PDGFC: variants seen among roughly 807,000 people sequenced by gnomAD.
PDGFC encodes the protein platelet-derived growth factor C.
Under a neutral mutation model 35.5 loss-of-function variants are expected in PDGFC, and 12 were observed. That is an observed-to-expected ratio of 0.34 (90% CI 0.22 to 0.55). PDGFC has a LOEUF of 0.55. Among genes scored for constraint, PDGFC ranks in the 20% least tolerant of loss-of-function variants. The pLI, the probability that PDGFC is intolerant of heterozygous loss-of-function variation, is 0.91. For missense variants in PDGFC, 322 were observed against 412.4 expected (o/e 0.78, Z 1.90); for synonymous variants, 159 against 148.8 (o/e 1.07, Z -0.50).
intron 3 of PDGFC, among the ~76,000 whole-genome samples, chr4:156,789,792 C>T (rs995750843): frequency 2.3e-4 from 35 of 151,922 alleles, no homozygotes; most frequent in African/African-American, 5.3e-4. Context: ...CTGGCTAACA[C>T]GGTGAAACCA....
At chr4:156,969,827 C>T (rs1028102069) in intron 1 of PDGFC, among the ~76,000 whole-genome samples, 1 of 152,112 alleles carries the variant, frequency 6.6e-6, no homozygotes, top group Non-Finnish European at 1.5e-5. Context: ...TTAAATATTC[C>T]AATTTTAGAC....
At chr4:156,923,976 G>T (rs987108661) in intron 1 of PDGFC, among the ~76,000 whole-genome samples, 2 of 152,114 alleles carry the variant, frequency 1.3e-5, no homozygotes, top group Admixed American at 1.3e-4. Context: ...CTGCCACTGG[G>T]AATTGCTGAT....
At chr4:156,889,755 T>G (rs1405429716) in intron 1 of PDGFC, among the ~76,000 whole-genome samples, 4 of 152,214 alleles carry the variant, frequency 2.6e-5, no homozygotes, top group African/African-American at 9.6e-5. Flanking sequence ...GTTTTTTTTC[T>G]AATCTTGTCG....
intron 1 of PDGFC, among the ~76,000 whole-genome samples, chr4:156,954,948 T>C (rs1038782773): frequency 6.6e-6 from 1 of 152,054 alleles, no homozygotes; most frequent in African/African-American, 2.4e-5. Context: ...GGCATTAGGC[T>C]AGAGATTATT....
At chr4:156,896,579 TAA>T (rs1730638056) in intron 1 of PDGFC, among the ~76,000 whole-genome samples, 1 of 152,138 alleles carries the variant, frequency 6.6e-6, no homozygotes, top group African/African-American at 2.4e-5. Flanking sequence ...AAATTTTACT[TAA>T]AGAGTTGACA....
At chr4:156,858,328 C>G (rs1729630999) in intron 1 of PDGFC, among the ~76,000 whole-genome samples, 1 of 151,894 alleles carries the variant, frequency 6.6e-6, no homozygotes, top group African/African-American at 2.4e-5. Flanking sequence ...AAAATGAAGG[C>G]TCAATTATGG....
At chr4:156,960,127 C>T (rs1175873851) in intron 1 of PDGFC, among the ~76,000 whole-genome samples, 1 of 151,472 alleles carries the variant, frequency 6.6e-6, no homozygotes, top group Non-Finnish European at 1.5e-5. Context: ...AGTAGCCTAG[C>T]CAGATTGTGA....
intron 2 of PDGFC, among the ~76,000 whole-genome samples, chr4:156,849,607 G>A (rs1309339986): frequency 6.6e-6 from 1 of 152,072 alleles, no homozygotes; most frequent in African/African-American, 2.4e-5. Context: ...TTGCGTGGGT[G>A]AAATACTCCA....
chr4:156,808,578 T>C (rs1731836012), intron 3 of PDGFC, among the ~76,000 whole-genome samples: 1 of 152,012 alleles, frequency 6.6e-6, no homozygotes, highest in Admixed American at 6.6e-5. Context: ...GCACACTTTC[T>C]TGCTTTAGGC....
chr4:156,963,571 A>T (rs1330300685), intron 1 of PDGFC, among the ~76,000 whole-genome samples: 1 of 152,126 alleles, frequency 6.6e-6, no homozygotes, highest in Non-Finnish European at 1.5e-5. Flanking sequence ...ATAGCAAGAG[A>T]GCAAATTTAG....
chr4:156,829,164 T>G (rs1283769373), intron 2 of PDGFC, among the ~76,000 whole-genome samples: 2 of 152,212 alleles, frequency 1.3e-5, no homozygotes, highest in East Asian at 3.8e-4. Context: ...TCTTATGATC[T>G]ACTAAGATCA....
Position 156,840,976 on chromosome 4 carries a change from T to C in PDGFC, c.314+9245A>G, listed in dbSNP as rs1729189787. On this transcript the variant is annotated intron_variant, in intron 2 of 5. Coordinates refer to ENST00000502773, the MANE Select transcript of PDGFC (RefSeq NM_016205.3). ...CTGTACCCCCATTGTATCTAGGAAG[T>C]AACTAACTTGCTTTTGATTTTACAG... Among the ~76,000 whole-genome samples, 7 of 152,290 alleles carry C rather than the reference T, an allele frequency of 4.6e-5. No individual in the cohort carries two copies. The South Asian group carries it at 1.2e-3, about 27-fold the overall frequency.
At chr4:156,790,804 C>G (rs564557321) in intron 3 of PDGFC, among the ~76,000 whole-genome samples, 1 of 152,264 alleles carries the variant, frequency 6.6e-6, no homozygotes, top group Admixed American at 6.5e-5. Flanking sequence ...AAATTAGGTA[C>G]AGCTATTGTG....
chr4:156,874,183 G>A (rs1730053763), intron 1 of PDGFC, among the ~76,000 whole-genome samples: 1 of 152,108 alleles, frequency 6.6e-6, no homozygotes. Flanking sequence ...ATTAACTTAT[G>A]GGATGTTCAC....
At chr4:156,928,454 G>A (rs2110867694) in intron 1 of PDGFC, among the ~76,000 whole-genome samples, 1 of 152,222 alleles carries the variant, frequency 6.6e-6, no homozygotes, top group Non-Finnish European at 1.5e-5. Flanking sequence ...ACTGCATCAG[G>A]ATAAAAGAAA....
chr4:156,797,013 G>C (rs567671876), intron 3 of PDGFC, among the ~76,000 whole-genome samples: 38 of 152,054 alleles, frequency 2.5e-4, no homozygotes, highest in African/African-American at 8.7e-4. Flanking sequence ...CGAGCAGAGC[G>C]GATCATGAGG....
At chr4:156,799,385 A>G (rs960463167) in intron 3 of PDGFC, among the ~76,000 whole-genome samples, 1 of 152,148 alleles carries the variant, frequency 6.6e-6, no homozygotes, top group African/African-American at 2.4e-5. Flanking sequence ...ATGTGGTCAC[A>G]TTGCAAAAAG....
chr4:156,794,957 G>A (rs1731402310), intron 3 of PDGFC, among the ~76,000 whole-genome samples: 1 of 152,244 alleles, frequency 6.6e-6, no homozygotes, highest in South Asian at 2.1e-4. Context: ...ACAAAGGACA[G>A]CAGCTATTGC....
At chr4:156,910,931 T>C (rs1560869161) in intron 1 of PDGFC, among the ~76,000 whole-genome samples, 1 of 152,182 alleles carries the variant, frequency 6.6e-6, no homozygotes, top group Non-Finnish European at 1.5e-5. Flanking sequence ...CCTTTATATA[T>C]CATATACACA....
Sources: gnomAD v4.1 joint callset for allele counts (sites outside exome capture counted in the v4.1 genomes callset) on GRCh38, gnomAD v4.1.1 for gene constraint, MANE v1.5 for transcripts, NCBI Gene and HGNC (gene_info 2026-07-23, HGNC 2026-07-21) for gene names.